The following NAALADL2 variants were observed in gnomAD, a reference collection of about 807,000 sequenced individuals.
NAALADL2 encodes the protein inactive N-acetylated-alpha-linked acidic dipeptidase-like protein 2.
In NAALADL2, 76 loss-of-function variants were observed where a neutral mutation model predicts 87.2. That is an observed-to-expected ratio of 0.87 (90% CI 0.72 to 1.05). The LOEUF is 1.05. Ranked by LOEUF, NAALADL2 falls within the 50% of genes least tolerant of loss-of-function variation. The pLI, the probability that NAALADL2 is intolerant of heterozygous loss-of-function variation, is 0.00. For missense variants in NAALADL2, 1,089 were observed against 945.8 expected (o/e 1.15, Z -1.99); for synonymous variants, 354 against 331.0 (o/e 1.07, Z -0.75).
chr3:174,950,620 T>TA (rs1430677874), intron 1 of NAALADL2, among the ~76,000 whole-genome samples: 1 of 152,140 alleles, frequency 6.6e-6, no homozygotes, highest in African/African-American at 2.4e-5. Context: ...AGCCTTTTTT[T>TA]AAAATAGTCA....
At chr3:174,534,993 C>G (rs1418738895) in intron 1 of NAALADL2, among the ~76,000 whole-genome samples, 1 of 152,158 alleles carries the variant, frequency 6.6e-6, no homozygotes, top group Non-Finnish European at 1.5e-5. Flanking sequence ...GCAATAAACA[C>G]ATCCTTCTGG....
At chr3:174,588,627 T>C (rs1294523901) in intron 2 of NAALADL2, among the ~76,000 whole-genome samples, 2 of 152,136 alleles carry the variant, frequency 1.3e-5, no homozygotes, top group Non-Finnish European at 2.9e-5. Flanking sequence ...TCTGTGGGAG[T>C]TTGCTGGAGG....
At chr3:175,183,053 A>AT (rs59735054) in intron 2 of NAALADL2, among the ~76,000 whole-genome samples, 102,282 of 151,236 alleles carry the variant, frequency 0.68, 36,368 homozygotes, top group Non-Finnish European at 0.79. Context: ...GAACTTTAAG[A>AT]TTTTTTTTCC....
intron 9 of NAALADL2, among the ~76,000 whole-genome samples, chr3:175,506,190 A>G (rs867744339): frequency 6.6e-6 from 1 of 152,194 alleles, no homozygotes; most frequent in African/African-American, 2.4e-5. Context: ...AAAATAAAAT[A>G]AAAAAACCTT....
intron 5 of NAALADL2, among the ~76,000 whole-genome samples, chr3:175,418,493 G>A (rs1305364085): frequency 6.6e-6 from 1 of 152,074 alleles, no homozygotes; most frequent in Non-Finnish European, 1.5e-5. Context: ...CTAGAAGTAG[G>A]AACTTCATGA....
At chr3:175,146,412 G>C (rs1275440648) in intron 2 of NAALADL2, among the ~76,000 whole-genome samples, 1 of 152,122 alleles carries the variant, frequency 6.6e-6, no homozygotes, top group South Asian at 2.1e-4. Context: ...GCTTATTTGA[G>C]TTTTACAGCC....
At chr3:175,390,206 C>A (rs895068792) in intron 5 of NAALADL2, among the ~76,000 whole-genome samples, 1 of 152,088 alleles carries the variant, frequency 6.6e-6, no homozygotes, top group African/African-American at 2.4e-5. Flanking sequence ...TCCACTCCCC[C>A]ACTCCCTCGC....
chr3:175,376,791 C>G (rs980858132), intron 5 of NAALADL2, among the ~76,000 whole-genome samples: 2 of 152,080 alleles, frequency 1.3e-5, no homozygotes, highest in Non-Finnish European at 2.9e-5. Context: ...AGGCTTTGCT[C>G]TTTTATATCA....
At chr3:175,748,460 G>A (rs1311421280) in intron 12 of NAALADL2, among the ~76,000 whole-genome samples, 1 of 152,134 alleles carries the variant, frequency 6.6e-6, no homozygotes, top group Non-Finnish European at 1.5e-5. Flanking sequence ...TTTAACCACT[G>A]TATTATGCAG....
At chr3:174,831,744 C>A (rs1453435337) in intron 3 of NAALADL2, among the ~76,000 whole-genome samples, 2 of 151,332 alleles carry the variant, frequency 1.3e-5, no homozygotes, top group Non-Finnish European at 3.0e-5. Context: ...GTCCTGTACT[C>A]TTTTTGGTTG....
At chr3:174,505,353 C>T (rs1200265578) in intron 1 of NAALADL2, among the ~76,000 whole-genome samples, 4 of 152,134 alleles carry the variant, frequency 2.6e-5, no homozygotes, top group African/African-American at 9.7e-5. Context: ...ATTGCTTCAT[C>T]CAAGGTCACT....
intron 1 of NAALADL2, among the ~76,000 whole-genome samples, chr3:174,467,373 T>C (rs1716599602): frequency 6.6e-6 from 1 of 151,982 alleles, no homozygotes; most frequent in Non-Finnish European, 1.5e-5. Flanking sequence ...GGCGGGTGGA[T>C]CACAAGATCA....
chr3:174,955,999 TAAGTC>T (rs148337658), intron 1 of NAALADL2, among the ~76,000 whole-genome samples: 1,723 of 152,196 alleles, frequency 0.011, 35 homozygotes, highest in African/African-American at 0.039. Flanking sequence ...TAATTTCACT[TAAGTC>T]AATCAGTTTC....
rs140686487 is a variant in NAALADL2 at position 174,673,004 on chromosome 3, C to T, written c.-114-64637C>T. 3.0e-3 allele frequency among the ~76,000 whole-genome samples: 449 copies of T among 152,082 alleles called. 4 individuals carry two copies. The highest frequency in any genetic ancestry group is 0.01 in the African/African-American group (431 of 41,508). ...TCTGATGTATATTTTCACAAAATCC[C>T]TTTGGCTGCGGTGTTGATTAAAGCC... On this transcript the variant is annotated intron_variant, in intron 2 of 3. Coordinates refer to the NAALADL2 transcript ENST00000434257.
At chr3:175,503,553 T>G (rs1560665736) in intron 9 of NAALADL2, among the ~76,000 whole-genome samples, 2 of 152,198 alleles carry the variant, frequency 1.3e-5, no homozygotes, top group Non-Finnish European at 2.9e-5. Context: ...ACTAGCAATG[T>G]GTAAGTGTTC....
intron 1 of NAALADL2, among the ~76,000 whole-genome samples, chr3:174,538,578 C>G (rs571815235): frequency 9.9e-5 from 15 of 152,246 alleles, no homozygotes; most frequent in African/African-American, 3.6e-4. Flanking sequence ...CCTTCCCTTT[C>G]TAGGTGTCTT....
chr3:175,130,170 A>G (rs1016948292), intron 2 of NAALADL2, among the ~76,000 whole-genome samples: 3 of 151,130 alleles, frequency 2.0e-5, no homozygotes, highest in African/African-American at 7.3e-5. Flanking sequence ...GTTGTCTCAT[A>G]TCGGGTTGTA....
At chr3:175,553,651 TAAA>T (rs5854639) in intron 9 of NAALADL2, among the ~76,000 whole-genome samples, 9 of 148,588 alleles carry the variant, frequency 6.1e-5, no homozygotes, top group South Asian at 2.1e-4. Flanking sequence ...GGAGAAATAT[TAAA>T]AAAAAAAAAA....
chr3:175,058,302 G>A (rs1022776661), intron 1 of NAALADL2, among the ~76,000 whole-genome samples: 2 of 152,098 alleles, frequency 1.3e-5, no homozygotes, highest in Admixed American at 6.6e-5. Flanking sequence ...GGTTGATTAA[G>A]TATTCATCTA....
Sources: allele counts gnomAD v4.1 joint callset (sites outside exome capture counted in the v4.1 genomes callset), GRCh38; gene constraint gnomAD v4.1.1; transcripts MANE v1.5; gene names NCBI Gene and HGNC (gene_info 2026-07-23, HGNC 2026-07-21).